The following IMPA2 variants were observed in gnomAD, a reference collection of about 807,000 sequenced individuals.
IMPA2 encodes the protein IMP 2.
Under a neutral mutation model 35.1 loss-of-function variants are expected in IMPA2, and 32 were observed. The ratio of observed to expected loss-of-function variants is 0.91; its 90% confidence interval spans 0.69 to 1.23. The LOEUF is 1.23. Among genes scored for constraint, IMPA2 ranks in the 50% most tolerant of loss-of-function variants. The pLI, the probability that IMPA2 is intolerant of heterozygous loss-of-function variation, is 0.00. For missense variants in IMPA2, 334 were observed against 387.6 expected, an observed-to-expected ratio of 0.86 and a Z score of 1.16; for synonymous variants, 135 against 160.6, an observed-to-expected ratio of 0.84 and a Z score of 1.20.
chr18:11,996,856 A>C (rs1344471278), intron 1 of IMPA2, among the ~76,000 whole-genome samples: 1 of 151,508 alleles, frequency 6.6e-6, no homozygotes, highest in Admixed American at 6.6e-5. Flanking sequence ...CACCACACCA[A>C]CACACACACA....
At chr18:12,008,562 G>A (rs1266841074) in intron 2 of IMPA2, 1 of 456,794 alleles carries the variant, frequency 2.2e-6, no homozygotes, top group Admixed American at 2.3e-5. Context: ...GTAAACAGCG[G>A]CCAGCTCCAC....
chr18:12,011,055 G>A (rs746512585), intron 3 of IMPA2, among the ~76,000 whole-genome samples: 9 of 152,198 alleles, frequency 5.9e-5, no homozygotes, highest in East Asian at 5.8e-4. Context: ...CTGCCTGCTC[G>A]TGGTTCCAGG....
At chr18:12,003,742 C>T (rs1036193069) in intron 2 of IMPA2, among the ~76,000 whole-genome samples, 8 of 151,724 alleles carry the variant, frequency 5.3e-5, no homozygotes, top group Admixed American at 1.3e-4. Flanking sequence ...GTGCTGTTGG[C>T]CTTGGCCACA....
chr18:12,006,994 G>C (rs1907265141), intron 2 of IMPA2, among the ~76,000 whole-genome samples: 1 of 152,224 alleles, frequency 6.6e-6, no homozygotes, highest in Non-Finnish European at 1.5e-5. Context: ...AGCCAGGCGT[G>C]TGGCGCACGC....
chr18:12,012,113 C>T (rs1907448855), intron 3 of IMPA2, 57 bp from the exon 4 acceptor site: 3 of 1,549,312 alleles, frequency 1.9e-6, no homozygotes, highest in Non-Finnish European at 2.7e-6. Context: ...AGCACACAGG[C>T]TCCCGAGAGC....
chr18:11,994,266 C>G (rs563002724), intron 1 of IMPA2: 2 of 151,880 alleles, frequency 1.3e-5, no homozygotes, highest in East Asian at 3.9e-4. Context: ...GTTGCAGCTA[C>G]TGGGGAGGCT....
At position 11,981,635 on chromosome 18, in the gene IMPA2, G is replaced by A; in HGVS notation, c.-35G>A. On this transcript the variant is annotated 5_prime_UTR_variant, in exon 1 of 8. Coordinates refer to ENST00000269159, the MANE Select transcript of IMPA2 (RefSeq NM_014214.3). ...CGGTGGGAGCCGGAGTCCCGCCGAG[G>A]GGGGCTGGAGGTGGAGGGGCCCGGC... is the stretch of plus-strand genomic sequence containing the variant. 2 of 1,217,264 alleles carry A rather than the reference G, an allele frequency of 1.6e-6. No homozygotes were observed. The highest frequency in any genetic ancestry group is 1.0e-6 in the Non-Finnish European group (1 of 975,716). The allele number at this position is 1,217,264 out of a possible 1,614,324, so 75.4% of individuals were successfully genotyped here.
Position 12,015,154 on chromosome 18 carries a change from G to A in IMPA2, c.490+781G>A, listed in dbSNP as rs549773078. ...TTTACAAGCTCCATAATACCTGCAT[G>A]TCTGGGTTTGAAAAGGCGGAAGTGC... On this transcript the variant is annotated intron_variant, in intron 5 of 7. Transcript: ENST00000269159. 2.6e-5 allele frequency among the ~76,000 whole-genome samples: 4 copies of A among 152,302 alleles called. No homozygotes were observed. In the South Asian group the frequency reaches 8.3e-4, roughly 32 times the overall value.
At chr18:12,009,829 C>A (rs1907382656) in intron 2 of IMPA2, 54 bp from the exon 3 acceptor site, 4 of 1,358,504 alleles carry the variant, frequency 2.9e-6, no homozygotes, top group African/African-American at 1.4e-5. Flanking sequence ...CAATTTCAGG[C>A]ACGTTATTCT....
In IMPA2 at chr18:11,981,586, G is replaced by T. The variant is rs962072796; in HGVS notation, c.-84G>T. ...CGGGAGCAGGCACAGGGAGTGTGGA[G>T]CCTGGCGGCGGGACGGCGGGATCCG... On this transcript the variant is annotated 5_prime_UTR_variant, in exon 1 of 8. Coordinates refer to ENST00000269159, the MANE Select transcript of IMPA2 (RefSeq NM_014214.3). 35 of 914,898 alleles carry T rather than the reference G, an allele frequency of 3.8e-5. No individual in the cohort carries two copies. Among genetic ancestry groups the T allele is most frequent in the Non-Finnish European group, 4.7e-5 (33 of 700,338 alleles). The allele number at this position is 914,898 out of a possible 1,614,324, so 56.7% of individuals were successfully genotyped here.
In IMPA2 at chr18:12,015,947, C is replaced by T. The variant is rs569899578; in HGVS notation, c.490+1574C>T. On this transcript the variant is annotated intron_variant, in intron 5 of 7. Transcript: ENST00000269159. ...CTCAGTCAGGCTGCAACTCTGCGTC[C>T]TCCCAGCCTGCAGGCTGCTAGCTCA... Among the ~76,000 whole-genome samples the T allele has an allele frequency of 5.3e-5, 8 of 152,312 alleles. No homozygotes were observed. In the South Asian group the frequency reaches 1.7e-3, roughly 32 times the overall value.
rs759586763 is a variant in IMPA2, at chr18:12,029,045, C to T, written c.751+52C>T. 1.2e-5 allele frequency: 18 copies of T among 1,555,888 alleles called. No individual in the cohort carries two copies. The South Asian group carries it at 1.9e-4, about 17-fold the overall frequency. ...GCGGCAGAAACTAGACTGAGAGACA[C>T]TGTGGGTGGGGCACTTCCTGAAGTC... On this transcript the variant is annotated intron_variant, in intron 7 of 7. Coordinates refer to ENST00000269159, the MANE Select transcript of IMPA2 (RefSeq NM_014214.3).
chr18:12,014,451 G>C, intron 5 of IMPA2, 78 bp downstream of exon 5: 1 of 861,014 alleles, frequency 1.2e-6, no homozygotes, highest in Non-Finnish European at 1.8e-6. Context: ...ACCATGATGT[G>C]GGACGGTGGT....
At chr18:12,000,805 C>A (rs951303877) in intron 2 of IMPA2, among the ~76,000 whole-genome samples, 1 of 150,966 alleles carries the variant, frequency 6.6e-6, no homozygotes, top group Admixed American at 6.6e-5. Context: ...TTAGTAGAGA[C>A]GGAGTTTCAC....
intron 1 of IMPA2, among the ~76,000 whole-genome samples, chr18:11,992,276 A>G (rs533482526): frequency 1.3e-5 from 2 of 152,374 alleles, no homozygotes; most frequent in East Asian, 3.9e-4. Context: ...CGTCAGGTGC[A>G]CACCTCCAGT....
intron 2 of IMPA2, among the ~76,000 whole-genome samples, chr18:12,004,769 C>T (rs1321068147): frequency 1.3e-5 from 2 of 152,170 alleles, no homozygotes; most frequent in Non-Finnish European, 2.9e-5. Flanking sequence ...AAGTGATCCA[C>T]CCACCTCAGC....
intron 1 of IMPA2, among the ~76,000 whole-genome samples, chr18:11,986,914 T>C (rs1439910047): frequency 1.3e-5 from 2 of 152,246 alleles, no homozygotes; most frequent in Non-Finnish European, 2.9e-5. Context: ...AACTCATGGT[T>C]CAGCCCGGCA....
intron 2 of IMPA2, among the ~76,000 whole-genome samples, chr18:12,003,650 TAAAA>T (rs77016043): frequency 1.2e-4 from 10 of 80,010 alleles, no homozygotes; most frequent in African/African-American, 4.0e-4. Context: ...GACTCCATCT[TAAAA>T]AAAAAAAAAA....
chr18:11,983,118 G>T (rs754209840), intron 1 of IMPA2, among the ~76,000 whole-genome samples: 2 of 151,432 alleles, frequency 1.3e-5, no homozygotes, highest in Non-Finnish European at 2.9e-5. Context: ...GCCTCAGACC[G>T]TAAAGAATGA....
Sources: allele counts gnomAD v4.1 joint callset (sites outside exome capture counted in the v4.1 genomes callset), GRCh38; gene constraint gnomAD v4.1.1; transcripts MANE v1.5; gene names NCBI Gene and HGNC (gene_info 2026-07-23, HGNC 2026-07-21).